The following STX5 variants were observed in gnomAD, a reference collection of about 807,000 sequenced individuals.
The protein encoded by STX5 is syntaxin 5.
In STX5, 15 loss-of-function variants were observed where a neutral mutation model predicts 42.9. The observed-to-expected ratio is 0.35, with a 90% CI of 0.23 to 0.54. STX5 has a LOEUF of 0.54. STX5 is among the 20% of genes least tolerant of loss of function. The pLI, the probability that STX5 is intolerant of heterozygous loss-of-function variation, is 0.91. For synonymous variants in STX5, 184 were observed against 173.2 expected, an observed-to-expected ratio of 1.06 and a Z score of -0.49; for missense variants, 430 against 455.0, an observed-to-expected ratio of 0.95 and a Z score of 0.50.
At chr11:62,820,581 A>T (rs1162494902) in intron 10 of STX5, among the ~76,000 whole-genome samples, 1 of 147,556 alleles carries the variant, frequency 6.8e-6, no homozygotes, top group African/African-American at 2.5e-5. Flanking sequence ...CAGTGGCGCG[A>T]TCTCAGCTCA....
Position 62,807,508 on chromosome 11 carries a change from G to A in STX5, c.1029C>T (p.Leu343=). 1 of 1,614,120 alleles carries A rather than the reference G, an allele frequency of 6.2e-7. No homozygotes were observed. The highest frequency in any genetic ancestry group is 8.5e-7 in the Non-Finnish European group (1 of 1,180,014). The change falls in exon 11 of 11, where the codon CTC becomes CTT. Residue 343 remains leucine (L), a synonymous_variant. Coordinates refer to ENST00000294179, the MANE Select transcript of STX5 (RefSeq NM_003164.5). Reference sequence around the variant, plus strand: ...CCACAAAGATGATGAAGAAGACAATGAGGATGAGGAAGATTTTGACCATGA... The same window carrying A: ...CCACAAAGATGATGAAGAAGACAATAAGGATGAGGAAGATTTTGACCATGA... ...RWLMVKIFLI[L]IVFFIIFVVF... is the part of the protein sequence containing the mutation.
At chr11:62,822,564 G>A (rs2134840800) in intron 10 of STX5, among the ~76,000 whole-genome samples, 1 of 152,064 alleles carries the variant, frequency 6.6e-6, no homozygotes, top group Non-Finnish European at 1.5e-5. Context: ...CTTTGCCAGG[G>A]TCTATGTAGC....
chr11:62,807,684 C>T (rs1422331607), intron 10 of STX5, 56 bp from the exon 11 acceptor site: 1 of 1,598,660 alleles, frequency 6.3e-7, no homozygotes, highest in East Asian at 2.2e-5. Flanking sequence ...AAAAAGAATG[C>T]TGTTGAAGTC....
chr11:62,810,087 G>C (rs1297608334), intron 10 of STX5, among the ~76,000 whole-genome samples: 2 of 125,302 alleles, frequency 1.6e-5, no homozygotes, highest in African/African-American at 3.0e-5. Flanking sequence ...CTGGGTGACA[G>C]AGCAAGACTC....
At position 62,825,318 on chromosome 11, in the gene STX5, T is replaced by G. The variant is rs1451462615; in HGVS notation, c.562A>C (p.Asn188His). 3 of 1,614,188 alleles carry G rather than the reference T, an allele frequency of 1.9e-6. No individual in the cohort carries two copies. The highest frequency in any genetic ancestry group is 1.1e-5 in the South Asian group (1 of 91,086). ...ACTTCTAAAACCGATTTGAAGTCAT[T>G]GGACATAGAAGCCAGTTTCGACTAG... is the stretch of plus-strand genomic sequence containing the variant. Reference protein sequence around the residue: ...SLQSKLASMSNDFKSVLEVRT... With the variant: ...SLQSKLASMSHDFKSVLEVRT... The change falls in exon 7 of 11, where the codon AAT (asparagine) becomes CAT (histidine). Residue 188 changes from asparagine (N) to histidine (H), a missense_variant. By Grantham distance (68) the Asn-to-His change is moderately conservative. Transcript: ENST00000294179.
At chr11:62,831,561 G>A (rs1390465530) in intron 1 of STX5, among the ~76,000 whole-genome samples, 1 of 152,106 alleles carries the variant, frequency 6.6e-6, no homozygotes, top group African/African-American at 2.4e-5. Flanking sequence ...CTCCGGCCCG[G>A]CCCGTGTAAC....
At chr11:62,808,768 GATTAA>G (rs2084582026) in intron 10 of STX5, among the ~76,000 whole-genome samples, 1 of 152,090 alleles carries the variant, frequency 6.6e-6, no homozygotes, top group Non-Finnish European at 1.5e-5. Flanking sequence ...TTGAACAAGT[GATTAA>G]ATTGACATCA....
At chr11:62,812,560 A>G (rs554719048) in intron 10 of STX5, among the ~76,000 whole-genome samples, 1 of 151,936 alleles carries the variant, frequency 6.6e-6, no homozygotes, top group South Asian at 2.1e-4. Context: ...CTGGGACTAC[A>G]GGCGCCGGTC....
At chr11:62,831,563 C>T (rs924956086) in intron 1 of STX5, among the ~76,000 whole-genome samples, 1 of 152,162 alleles carries the variant, frequency 6.6e-6, no homozygotes, top group African/African-American at 2.4e-5. Flanking sequence ...CCGGCCCGGC[C>T]CGTGTAACTG....
At chr11:62,814,249 T>G (rs1027170715) in intron 10 of STX5, among the ~76,000 whole-genome samples, 1 of 152,166 alleles carries the variant, frequency 6.6e-6, no homozygotes, top group African/African-American at 2.4e-5. Flanking sequence ...CATTGCAACC[T>G]CCACCTCCTG....
intron 10 of STX5, among the ~76,000 whole-genome samples, chr11:62,817,538 G>A (rs1241754807): frequency 6.6e-6 from 1 of 152,044 alleles, no homozygotes; most frequent in African/African-American, 2.4e-5. Flanking sequence ...TAACATGTAC[G>A]ATAAAATCCT....
chr11:62,817,559 A>C (rs2084689384), intron 10 of STX5, among the ~76,000 whole-genome samples: 1 of 152,230 alleles, frequency 6.6e-6, no homozygotes, highest in African/African-American at 2.4e-5. Flanking sequence ...CAATTAGTAG[A>C]TATACAATGA....
At position 62,824,151 on chromosome 11, in the gene STX5, G is replaced by T; in HGVS notation, c.908+15C>A. On this transcript the variant is annotated intron_variant, in intron 10 of 10. Coordinates refer to ENST00000294179, the MANE Select transcript of STX5 (RefSeq NM_003164.5). ...GAGAAAGCTCCTCTGTTTGGGGCGA[G>T]AGAGTGTATCTCACCTCTGAATGGT... 6.2e-7 allele frequency: 1 copy of T among 1,614,204 alleles called. No individual in the cohort carries two copies. Among genetic ancestry groups the T allele is most frequent in the East Asian group, 2.2e-5 (1 of 44,884 alleles).
intron 8 of STX5, 107 bp downstream of exon 8, chr11:62,824,929 T>C: frequency 8.9e-7 from 1 of 1,128,228 alleles, no homozygotes; most frequent in Non-Finnish European, 1.3e-6. Context: ...CCTAGAAAAT[T>C]CCTTGACCTT....
intron 10 of STX5, among the ~76,000 whole-genome samples, chr11:62,816,722 G>GAAAAA (rs71056565): frequency 3.3e-5 from 3 of 90,190 alleles, no homozygotes; most frequent in African/African-American, 4.4e-5. Context: ...CGCCTTTACT[G>GAAAAA]AAAAAAAAAA....
intron 10 of STX5, among the ~76,000 whole-genome samples, chr11:62,817,415 C>A (rs963219011): frequency 3.3e-5 from 5 of 152,102 alleles, no homozygotes; most frequent in Admixed American, 3.3e-4. Flanking sequence ...ACATAAACCA[C>A]AGAGGAAATA....
intron 10 of STX5, among the ~76,000 whole-genome samples, chr11:62,810,009 G>A (rs2084598858): frequency 6.6e-6 from 1 of 150,748 alleles, no homozygotes; most frequent in Non-Finnish European, 1.5e-5. Context: ...GGCTGAGGCA[G>A]GAGAACCACT....
chr11:62,819,487 C>T (rs2084714998), intron 10 of STX5, among the ~76,000 whole-genome samples: 1 of 151,878 alleles, frequency 6.6e-6, no homozygotes. Flanking sequence ...ACCAAGTCTT[C>T]CTCTTAATTT....
chr11:62,830,920 G>A (rs1030087771), intron 2 of STX5, 99 bp downstream of exon 2: 1 of 1,131,316 alleles, frequency 8.8e-7, no homozygotes, highest in African/African-American at 1.5e-5. Flanking sequence ...AGTTCCATCA[G>A]GTACCCCCCA....
Sources: gnomAD v4.1 joint callset for allele counts (sites outside exome capture counted in the v4.1 genomes callset) on GRCh38, gnomAD v4.1.1 for gene constraint, MANE v1.5 for transcripts, NCBI Gene and HGNC (gene_info 2026-07-23, HGNC 2026-07-21) for gene names.